VKORC1L1: variants seen among roughly 807,000 people sequenced by gnomAD.
VKORC1L1 encodes the protein vitamin K epoxide reductase complex subunit 1L1.
A neutral mutation model predicts 18.9 loss-of-function variants in VKORC1L1; 2 were observed. That is an observed-to-expected ratio of 0.11 (90% CI 0.04 to 0.33). VKORC1L1 has a LOEUF of 0.33. Among genes scored for constraint, VKORC1L1 ranks in the 10% least tolerant of loss-of-function variants. The pLI, the probability that VKORC1L1 is intolerant of heterozygous loss-of-function variation, is 1.00. For missense variants in VKORC1L1, 123 were observed against 224.1 expected, an observed-to-expected ratio of 0.55 and a Z score of 2.88; for synonymous variants, 96 against 100.0, an observed-to-expected ratio of 0.96 and a Z score of 0.24.
intron 1 of VKORC1L1, among the ~76,000 whole-genome samples, chr7:65,909,350 G>A (rs1282756443): frequency 6.6e-6 from 1 of 151,866 alleles, no homozygotes; most frequent in East Asian, 2.0e-4. Flanking sequence ...ATACTCTTAA[G>A]TAGAGAAACC....
At chr7:65,942,046 TG>T (rs1790043567) in intron 1 of VKORC1L1, among the ~76,000 whole-genome samples, 6 of 152,150 alleles carry the variant, frequency 3.9e-5, no homozygotes, top group Non-Finnish European at 7.3e-5. Context: ...CTGTACTTTA[TG>T]ATGTATAATG....
rs1790317706 is a variant in VKORC1L1 at position 65,957,494 on chromosome 7, AGAG to A, written c.*3195_*3197del. On this transcript the variant is annotated 3_prime_UTR_variant, in exon 3 of 3. Transcript: ENST00000360768. ...AGACTGTCCCCCCCCCAAAAAAAAA[AGAG>A]AGAGACTGCATTCAAAGAGGACCAA... 2 of 148,078 alleles carry A rather than the reference AGAG, an allele frequency of 1.4e-5. No homozygotes were observed. Among genetic ancestry groups the A allele is most frequent in the Admixed American group, 6.7e-5 (1 of 14,834 alleles). 9.2% of individuals were successfully genotyped at this position (148,078 alleles called of 1,614,324 possible). A position where few individuals can be genotyped will look rare whatever the true frequency, so the allele number is the denominator to read the frequency against.
At chr7:65,929,682 GTATATA>G (rs34648135) in intron 1 of VKORC1L1, among the ~76,000 whole-genome samples, 1 of 128,612 alleles carries the variant, frequency 7.8e-6, no homozygotes, top group East Asian at 2.4e-4. Context: ...GTGTGTGTGT[GTATATA>G]TATATATATA....
intron 1 of VKORC1L1, among the ~76,000 whole-genome samples, chr7:65,925,304 C>T (rs557714220): frequency 2.0e-5 from 3 of 152,194 alleles, no homozygotes; most frequent in South Asian, 2.1e-4. Context: ...CATTCTTCCT[C>T]AATTCAGCCA....
intron 1 of VKORC1L1, among the ~76,000 whole-genome samples, chr7:65,877,229 T>G (rs1788844842): frequency 6.6e-6 from 1 of 152,230 alleles, no homozygotes; most frequent in Non-Finnish European, 1.5e-5. Flanking sequence ...TACATACTTG[T>G]TTATATGTTT....
rs1244543261 is a variant in VKORC1L1 at position 65,957,283 on chromosome 7, C to G, written c.*2983C>G. On this transcript the variant is annotated 3_prime_UTR_variant, in exon 3 of 3. Coordinates refer to ENST00000360768, the MANE Select transcript of VKORC1L1 (RefSeq NM_173517.6). ...ATTACCTAAGGTCAGGAGTTCAAGA[C>G]CAGCCTGGCCAGCATAGTGAAACCC... The G allele has an allele frequency of 6.9e-6, 1 of 144,164 alleles. No homozygotes were observed. Among genetic ancestry groups the G allele is most frequent in the Non-Finnish European group, 1.5e-5 (1 of 65,508 alleles). 8.9% of individuals were successfully genotyped at this position (144,164 alleles called of 1,614,324 possible).
chr7:65,947,281 G>A (rs1790135977), intron 1 of VKORC1L1, among the ~76,000 whole-genome samples: 1 of 152,066 alleles, frequency 6.6e-6, no homozygotes, highest in Non-Finnish European at 1.5e-5. Flanking sequence ...TATATCTTGG[G>A]CATCAAGTGC....
upstream of VKORC1L1, among the ~76,000 whole-genome samples, chr7:65,869,327 CTAAA>C (rs766426327): frequency 2.0e-5 from 3 of 151,890 alleles, no homozygotes; most frequent in East Asian, 1.9e-4. Context: ...AAAAATAAAA[CTAAA>C]TAAATAAAAA....
At chr7:65,953,068 A>G (rs554233417) in intron 2 of VKORC1L1, among the ~76,000 whole-genome samples, 61 of 152,120 alleles carry the variant, frequency 4.0e-4, no homozygotes, top group African/African-American at 1.4e-3. Context: ...AAGTCCTAGC[A>G]TTACAGGCAT....
Position 65,955,219 on chromosome 7 carries a change from C to G in VKORC1L1, c.*919C>G, listed in dbSNP as rs1250488048. ...GCATTTTTAGGTAAAGTTTCTTCCACTAGTTGAATTTTCATGCAGATATTT... is the reference window on the plus strand; with the variant it reads ...GCATTTTTAGGTAAAGTTTCTTCCAGTAGTTGAATTTTCATGCAGATATTT... On this transcript the variant is annotated 3_prime_UTR_variant, in exon 3 of 3. Transcript: ENST00000360768. 1 of 152,162 alleles carries G rather than the reference C, an allele frequency of 6.6e-6. No homozygotes were observed. Among genetic ancestry groups the G allele is most frequent in the African/African-American group, 2.4e-5 (1 of 41,416 alleles). The allele number at this position is 152,162 out of a possible 1,614,324, so 9.4% of individuals were successfully genotyped here.
chr7:65,872,362 G>A (rs137968395), upstream of VKORC1L1, among the ~76,000 whole-genome samples: 5,701 of 151,730 alleles, frequency 0.038, 169 homozygotes, highest in East Asian at 0.096. Context: ...GCCCAGGCTG[G>A]AGTGCAGTGG....
chr7:65,939,026 G>A (rs1195102018), intron 1 of VKORC1L1, among the ~76,000 whole-genome samples: 1 of 152,180 alleles, frequency 6.6e-6, no homozygotes, highest in Non-Finnish European at 1.5e-5. Flanking sequence ...AAGACTGGGT[G>A]CCCATGTGAC....
At chr7:65,907,570 A>G (rs981298986) in intron 1 of VKORC1L1, among the ~76,000 whole-genome samples, 1 of 152,226 alleles carries the variant, frequency 6.6e-6, no homozygotes, top group Non-Finnish European at 1.5e-5. Context: ...GATTGCTTTC[A>G]CAGTCCAGAA....
the VKORC1L1 span, among the ~76,000 whole-genome samples, chr7:65,867,553 A>G: frequency 2.0e-5 from 3 of 151,830 alleles, no homozygotes; most frequent in East Asian, 1.9e-4. Context: ...TGGAGTCTTC[A>G]CAAAGCCTTC....
At position 65,958,589 on chromosome 7, in the gene VKORC1L1, A is replaced by G. The variant is rs1237628159; in HGVS notation, c.*4289A>G. On this transcript the variant is annotated 3_prime_UTR_variant, in exon 3 of 3. Coordinates refer to ENST00000360768, the MANE Select transcript of VKORC1L1 (RefSeq NM_173517.6). ...TTCTTAAACTGCAGGGTTGCATTCC[A>G]AAAGAACTGAAACGAAGTCTTTTTA... 2.0e-5 allele frequency: 3 copies of G among 152,232 alleles called. No homozygotes were observed. Among genetic ancestry groups the G allele is most frequent in the Non-Finnish European group, 4.4e-5 (3 of 68,046 alleles). The allele number at this position is 152,232 out of a possible 1,614,324, so 9.4% of individuals were successfully genotyped here. A position where few individuals can be genotyped will look rare whatever the true frequency, so the allele number is the denominator to read the frequency against.
At chr7:65,866,558 G>C in the VKORC1L1 span, among the ~76,000 whole-genome samples, 1 of 152,124 alleles carries the variant, frequency 6.6e-6, no homozygotes, top group Non-Finnish European at 1.5e-5. Flanking sequence ...ACAGGAGATT[G>C]AGTATTCAAG....
rs116329691 is a variant in VKORC1L1 at position 65,943,593 on chromosome 7, A to T, written c.195-5078A>T. Among the ~76,000 whole-genome samples, 1,160 of 152,256 alleles carry T rather than the reference A, an allele frequency of 7.6e-3. 13 individuals carry two copies. The highest frequency in any genetic ancestry group is 0.026 in the African/African-American group (1,069 of 41,558). ...TTCCTTTTTAATGGTCAGGAGTTCG[A>T]GACCAGCCTGGCCAATGTGGTGAAA... On this transcript the variant is annotated intron_variant, in intron 1 of 2. Coordinates refer to ENST00000360768, the MANE Select transcript of VKORC1L1 (RefSeq NM_173517.6).
intron 1 of VKORC1L1, among the ~76,000 whole-genome samples, chr7:65,898,535 A>G (rs537079424): frequency 1.3e-5 from 2 of 152,334 alleles, no homozygotes; most frequent in Admixed American, 6.5e-5. Flanking sequence ...CTATAGGCAT[A>G]TATTTGCAAG....
At chr7:65,931,643 T>C (rs1201896704) in intron 1 of VKORC1L1, among the ~76,000 whole-genome samples, 4 of 152,176 alleles carry the variant, frequency 2.6e-5, no homozygotes, top group Non-Finnish European at 5.9e-5. Context: ...GTTTATTGAT[T>C]TTCTTTTTCT....
Sources: gnomAD v4.1 joint callset for allele counts (sites outside exome capture counted in the v4.1 genomes callset) on GRCh38, gnomAD v4.1.1 for gene constraint, MANE v1.5 for transcripts, NCBI Gene and HGNC (gene_info 2026-07-23, HGNC 2026-07-21) for gene names.